Variants in TIAM1 observed in about 807,000 individuals in gnomAD.
TIAM1 encodes TIAM Rac1 associated GEF 1, also known as rho guanine nucleotide exchange factor TIAM1.
TIAM1 carries 65 observed loss-of-function variants against 163.5 expected under a neutral mutation model. The ratio of observed to expected loss-of-function variants is 0.40; its 90% CI spans 0.33 to 0.49. The LOEUF (loss-of-function observed/expected upper bound fraction) is 0.49. Among genes scored for constraint, TIAM1 ranks in the 20% least tolerant of loss-of-function variants. TIAM1 has a pLI of 0.77. For missense variants in TIAM1, 1,789 were observed against 2,044.7 expected (o/e 0.87, Z 2.41); for synonymous variants, 833 against 810.1 (o/e 1.03, Z -0.48).
chr21:31,193,875 G>A (rs116221962), intron 13 of TIAM1, among the ~76,000 whole-genome samples: 293 of 152,288 alleles, frequency 1.9e-3, no homozygotes, highest in African/African-American at 6.8e-3. Flanking sequence ...TGTCAGCCAT[G>A]CGTACAGTAA....
intron 2 of TIAM1, among the ~76,000 whole-genome samples, chr21:31,451,717 G>A: frequency 3.3e-5 from 1 of 30,764 alleles, no homozygotes; most frequent in African/African-American, 9.6e-5. Context: ...GCATGTGTGT[G>A]CGTGTGTGTG....
intron 4 of TIAM1, among the ~76,000 whole-genome samples, chr21:31,254,946 T>A (rs965243449): frequency 6.6e-6 from 1 of 152,136 alleles, no homozygotes; most frequent in African/African-American, 2.4e-5. Context: ...GCCAACACCA[T>A]CCATCCCTTT....
At chr21:31,140,901 A>G (rs1248794869) in intron 22 of TIAM1, among the ~76,000 whole-genome samples, 1 of 152,242 alleles carries the variant, frequency 6.6e-6, no homozygotes, top group Non-Finnish European at 1.5e-5. Flanking sequence ...GGAGCTGAAC[A>G]TCAGGAAAAC....
chr21:31,153,148 A>G lies in TIAM1; in HGVS notation c.3172-14T>C. 1.3e-6 allele frequency: 2 copies of G among 1,598,812 alleles called. No individual in the cohort carries two copies. Among genetic ancestry groups the G allele is most frequent in the Non-Finnish European group, 1.7e-6 (2 of 1,172,000 alleles). On this transcript the variant is annotated splice_polypyrimidine_tract_variant and intron_variant, in intron 17 of 27. Coordinates refer to ENST00000541036, the MANE Select transcript of TIAM1 (RefSeq NM_001353694.2). ...ACAGTTTAAATCCTAAGAATTGAAA[A>G]GAGAACTCATTAGCTTATGTGTTTT...
intron 6 of TIAM1, among the ~76,000 whole-genome samples, chr21:31,226,946 T>A (rs1028161325): frequency 1.4e-5 from 2 of 148,118 alleles, no homozygotes; most frequent in Admixed American, 1.4e-4. Context: ...GTATACAAAA[T>A]TCTGTGTTTT....
At chr21:31,430,273 C>CAT (rs143109113) in intron 2 of TIAM1, among the ~76,000 whole-genome samples, 3,167 of 125,828 alleles carry the variant, frequency 0.025, 74 homozygotes, top group African/African-American at 0.05. Context: ...CACACACACA[C>CAT]ATATATATAT....
At chr21:31,520,358 A>C (rs987818174) in intron 1 of TIAM1, among the ~76,000 whole-genome samples, 2 of 152,084 alleles carry the variant, frequency 1.3e-5, no homozygotes, top group African/African-American at 2.4e-5. Context: ...AAATGGTTAC[A>C]ATGACAAACG....
At chr21:31,289,992 T>C (rs2073957721) in intron 2 of TIAM1, among the ~76,000 whole-genome samples, 1 of 152,148 alleles carries the variant, frequency 6.6e-6, no homozygotes, top group Non-Finnish European at 1.5e-5. Context: ...TGCAAATGGT[T>C]TTATTGGCAT....
intron 2 of TIAM1, among the ~76,000 whole-genome samples, chr21:31,456,889 G>A (rs1437086110): frequency 6.6e-6 from 1 of 152,106 alleles, no homozygotes. Context: ...GATTCTGTCT[G>A]CCTCTCTCTC....
chr21:31,139,009 T>C (rs2082729910), intron 22 of TIAM1, among the ~76,000 whole-genome samples: 1 of 152,228 alleles, frequency 6.6e-6, no homozygotes. Flanking sequence ...CATTTCTTTT[T>C]ACAATCTCAG....
chr21:31,386,473 G>C (rs1344701252), intron 2 of TIAM1, among the ~76,000 whole-genome samples: 1 of 152,176 alleles, frequency 6.6e-6, no homozygotes, highest in African/African-American at 2.4e-5. Context: ...GCAACCACGT[G>C]CAAAGGTGTC....
chr21:31,375,283 C>A (rs1279189272), intron 2 of TIAM1, among the ~76,000 whole-genome samples: 2 of 152,102 alleles, frequency 1.3e-5, no homozygotes, highest in African/African-American at 4.8e-5. Context: ...CAAACACAAA[C>A]AGAGCAAAGC....
At chr21:31,419,049 G>A (rs528003010) in intron 2 of TIAM1, among the ~76,000 whole-genome samples, 35 of 152,128 alleles carry the variant, frequency 2.3e-4, no homozygotes, top group Non-Finnish European at 4.9e-4. Flanking sequence ...GGGCTGGCCA[G>A]TGACCCTCCT....
intron 26 of TIAM1, among the ~76,000 whole-genome samples, chr21:31,126,462 G>C (rs894004989): frequency 6.6e-6 from 1 of 152,082 alleles, no homozygotes; most frequent in African/African-American, 2.4e-5. Context: ...AGCCACTCGG[G>C]AGGCTGAGGC....
chr21:31,464,020 G>C (rs941815030), exon 2 of TIAM1: 5 of 152,166 alleles, frequency 3.3e-5, no homozygotes, highest in Non-Finnish European at 7.3e-5. Flanking sequence ...TTTACATCTG[G>C]AATGCGACCA....
intron 1 of TIAM1, among the ~76,000 whole-genome samples, chr21:31,483,588 T>C (rs759375573): frequency 1.3e-5 from 2 of 152,032 alleles, no homozygotes; most frequent in Non-Finnish European, 2.9e-5. Context: ...GGGGCCAAGA[T>C]TGGTTTTATA....
chr21:31,312,601 A>T (rs1453614225), intron 2 of TIAM1, among the ~76,000 whole-genome samples: 1 of 152,168 alleles, frequency 6.6e-6, no homozygotes, highest in Non-Finnish European at 1.5e-5. Context: ...AAAGGAAAAA[A>T]ATCTGAGCCT....
intron 1 of TIAM1, among the ~76,000 whole-genome samples, chr21:31,513,166 A>G (rs1316171481): frequency 2.6e-5 from 4 of 152,182 alleles, no homozygotes; most frequent in Non-Finnish European, 5.9e-5. Context: ...TGCCATATAT[A>G]TATGTTCCAT....
chr21:31,257,714 C>G (rs2146774986), intron 4 of TIAM1, among the ~76,000 whole-genome samples: 1 of 152,244 alleles, frequency 6.6e-6, no homozygotes, highest in Admixed American at 6.5e-5. Context: ...CCCCGGTGTC[C>G]CGCGTTAAAA....
Sources: allele counts gnomAD v4.1 joint callset (sites outside exome capture counted in the v4.1 genomes callset), GRCh38; gene constraint gnomAD v4.1.1; transcripts MANE v1.5; gene names NCBI Gene and HGNC (gene_info 2026-07-23, HGNC 2026-07-21).